HCRTR1: variants seen among roughly 807,000 people sequenced by gnomAD.
HCRTR1 encodes the protein hypocretin receptor 1, also known as orexin/Hypocretin receptor type 1.
In HCRTR1, 28 loss-of-function variants were observed where a neutral mutation model predicts 40.6. The observed-to-expected ratio is 0.69, with a 90% CI of 0.51 to 0.95. The LOEUF is 0.95. HCRTR1 is among the 40% of genes least tolerant of loss of function. The pLI is 0.00. For missense variants in HCRTR1, 482 were observed against 564.7 expected (o/e 0.85, Z 1.48); for synonymous variants, 209 against 230.0 (o/e 0.91, Z 0.83).
chr1:31,631,638 A>C (rs149083263), downstream of HCRTR1, among the ~76,000 whole-genome samples: 1 of 152,378 alleles, frequency 6.6e-6, no homozygotes, highest in East Asian at 1.9e-4. Flanking sequence ...AATAGTACCT[A>C]GCACATGGGA....
In HCRTR1 at chr1:31,625,043, G is replaced by A. The variant is rs769086072; in HGVS notation, c.1012G>A (p.Ala338Thr). ...RQASDREAVY[A>T]CFTFSHWLVY... The stretch of plus-strand genomic sequence containing the variant: ...AGCCAGTGACCGCGAAGCTGTCTAC[G>A]CCTGCTTCACCTTCTCCCACTGGCT... The change falls in exon 8 of 9, where the codon GCC becomes ACC. Residue 338 changes from alanine (A) to threonine (T), a missense_variant. Ala to Thr is a moderately conservative substitution (Grantham distance 58, BLOSUM62 0). Coordinates refer to ENST00000403528, the MANE Select transcript of HCRTR1 (RefSeq NM_001525.3). The surrounding 1 kb of genome is among the most constrained non-coding windows in gnomAD (Gnocchi z 4.2). 5.0e-6 allele frequency: 8 copies of A among 1,612,758 alleles called. No homozygotes were observed. The highest frequency in any genetic ancestry group is 3.3e-5 in the Admixed American group (2 of 59,900).
At chr1:31,619,424 G>A (rs199611481) in intron 3 of HCRTR1, 33 bp downstream of exon 3, 1 of 1,613,298 alleles carries the variant, frequency 6.2e-7, no homozygotes, top group East Asian at 2.2e-5. Flanking sequence ...AGTGCTGCCG[G>A]CTTTCCCTGG....
downstream of HCRTR1, among the ~76,000 whole-genome samples, chr1:31,629,651 C>T (rs147164674): frequency 6.6e-6 from 1 of 152,310 alleles, no homozygotes; most frequent in African/African-American, 2.4e-5. Context: ...CCTAAATAGA[C>T]CTTCAGGCCA....
chr1:31,630,677 A>G, downstream of HCRTR1: 1 of 1,613,736 alleles, frequency 6.2e-7, no homozygotes. Flanking sequence ...GTTGCCTTGT[A>G]CAGCTGTGTC....
chr1:31,631,020 T>A (rs1640085820), downstream of HCRTR1, among the ~76,000 whole-genome samples: 1 of 152,228 alleles, frequency 6.6e-6, no homozygotes. Flanking sequence ...ACAGGGACCG[T>A]GTCTGGATGC....
Position 31,618,856 on chromosome 1 carries a change from C to T in HCRTR1, c.-143+40C>T, listed in dbSNP as rs113357753. On this transcript the variant is annotated intron_variant, in intron 2 of 8. Coordinates refer to ENST00000403528, the MANE Select transcript of HCRTR1 (RefSeq NM_001525.3). ...CACCCCATTAGACAGATGGGGAAAC[C>T]AAGGCTGAAAGAGGCCAGGTAAGCT... 399 of 344,576 alleles carry T rather than the reference C, an allele frequency of 1.2e-3. 3 individuals are homozygous for T. Among genetic ancestry groups the T allele is most frequent in the African/African-American group, 7.9e-3 (380 of 47,840 alleles). 21.3% of individuals were successfully genotyped at this position (344,576 alleles called of 1,614,324 possible).
chr1:31,621,613 G>A (rs1470681166), intron 6 of HCRTR1, 21 bp downstream of exon 6: 4 of 1,559,442 alleles, frequency 2.6e-6, no homozygotes, highest in Non-Finnish European at 3.5e-6. Flanking sequence ...CTCTGGGCAG[G>A]GGCTAGGCCA....
At chr1:31,633,784 C>T (rs1359229016), downstream of HCRTR1, among the ~76,000 whole-genome samples, 2 of 151,940 alleles carry the variant, frequency 1.3e-5, no homozygotes, top group African/African-American at 4.8e-5. Context: ...GGAGAAACCC[C>T]GTCTCTACTA....
chr1:31,630,560 C>T, downstream of HCRTR1: 1 of 1,534,016 alleles, frequency 6.5e-7, no homozygotes, highest in East Asian at 2.3e-5. Flanking sequence ...TTCTCTCACT[C>T]TAAGAAGCCA....
downstream of HCRTR1, chr1:31,633,328 T>C (rs753179026): frequency 1.2e-6 from 2 of 1,601,982 alleles, no homozygotes; most frequent in Middle Eastern, 1.9e-4. Flanking sequence ...GAGGAAGGGG[T>C]GTGAAGGCCA....
At chr1:31,628,024 G>A (rs1033285512), downstream of HCRTR1, among the ~76,000 whole-genome samples, 6 of 149,508 alleles carry the variant, frequency 4.0e-5, no homozygotes, top group Non-Finnish European at 5.9e-5. Context: ...GACATGCTCC[G>A]TCTGCCACCG....
chr1:31,633,257 G>A (rs1640164194), downstream of HCRTR1: 6 of 1,614,080 alleles, frequency 3.7e-6, no homozygotes, highest in South Asian at 1.1e-5. Context: ...ACTGTGATCT[G>A]AGTCCACCGA....
At position 31,619,704 on chromosome 1, in the gene HCRTR1, T is replaced by C. The variant is rs910809564; in HGVS notation, c.372T>C (p.Tyr124=). The C allele has an allele frequency of 5.6e-6, 9 of 1,597,302 alleles. No individual in the cohort carries two copies. Among genetic ancestry groups the C allele is most frequent in the Non-Finnish European group, 7.7e-6 (9 of 1,169,782 alleles). The change falls in exon 4 of 9, where the codon TAT becomes TAC. Residue 124 remains tyrosine, a synonymous_variant. Coordinates refer to ENST00000403528, the MANE Select transcript of HCRTR1 (RefSeq NM_001525.3). ...FGHALCKVIP[Y]LQAVSVSVAV... ...ATGCCCTCTGCAAGGTCATCCCCTA[T>C]CTACAGGTGAGCTCTGCCCAGGCAC...
At chr1:31,630,962 A>G, downstream of HCRTR1, 5 of 823,024 alleles carry the variant, frequency 6.1e-6, no homozygotes, top group Non-Finnish European at 9.8e-6. Flanking sequence ...CAGAAGCACA[A>G]AGAGGGTAGA....
chr1:31,631,352 T>A (rs1422806735), downstream of HCRTR1, among the ~76,000 whole-genome samples: 2 of 152,228 alleles, frequency 1.3e-5, no homozygotes, highest in Non-Finnish European at 2.9e-5. Context: ...CGGGTGATCA[T>A]GTAAAGCACT....
chr1:31,627,548 C>A lies in HCRTR1; in HGVS notation c.*568C>A. 1 of 363,082 alleles carries A rather than the reference C, an allele frequency of 2.8e-6. No individual in the cohort carries two copies. The highest frequency in any genetic ancestry group is 5.4e-6 in the Non-Finnish European group (1 of 186,290). The allele number at this position is 363,082 out of a possible 1,614,324, so 22.5% of individuals were successfully genotyped here. On this transcript the variant is annotated 3_prime_UTR_variant, in exon 9 of 9. Transcript: ENST00000403528. ...TGGCTTTGTGGTGTGATAAAACACT[C>A]TCCATGGCCACTTGGCAGAGAGGCC...
At chr1:31,619,760 A>C in intron 4 of HCRTR1, 50 bp downstream of exon 4, 1 of 1,526,542 alleles carries the variant, frequency 6.6e-7, no homozygotes, top group African/African-American at 1.4e-5. Context: ...GCCTGTAAAA[A>C]ACCCACGGCC....
downstream of HCRTR1, chr1:31,632,751 C>T (rs563684080): frequency 8.5e-6 from 11 of 1,289,154 alleles, no homozygotes; most frequent in East Asian, 2.5e-4. Flanking sequence ...GGCGACTTCA[C>T]AGAACCAAGC....
rs111829370 is a variant in HCRTR1, at chr1:31,619,212, C to T, written c.20C>T (p.Pro7Leu). The change falls in exon 3 of 9, where the codon CCA (proline) becomes CTA (leucine). Residue 7 changes from proline (P) to leucine (L), a missense_variant. By Grantham distance (98) the Pro-to-Leu change is moderately conservative (BLOSUM62 -3). Coordinates refer to ENST00000403528, the MANE Select transcript of HCRTR1 (RefSeq NM_001525.3). ...GAGCTCATGGAGCCCTCAGCCACCC[C>T]AGGGGCCCAGATGGGGGTCCCCCCT... MEPSAT[P>L]GAQMGVPPGS... The T allele has an allele frequency of 2.5e-6, 4 of 1,612,504 alleles. No homozygotes were observed. The highest frequency in any genetic ancestry group is 1.3e-5 in the African/African-American group (1 of 75,072).
Sources: gnomAD v4.1 joint callset for allele counts (sites outside exome capture counted in the v4.1 genomes callset) on GRCh38, gnomAD v4.1.1 for gene constraint, Gnocchi (gnomAD v3.1) non-coding constraint, MANE v1.5 for transcripts, NCBI Gene and HGNC (gene_info 2026-07-23, HGNC 2026-07-21) for gene names.